Variants in APBA2 observed in about 807,000 individuals in gnomAD.
APBA2 encodes the protein amyloid beta precursor protein binding family A member 2, also known as amyloid-beta A4 precursor protein-binding family A member 2.
In APBA2, 30 loss-of-function variants were observed where a neutral mutation model predicts 75.0. That is an observed-to-expected ratio of 0.40 (90% CI 0.30 to 0.54). The LOEUF is 0.54. APBA2 is among the 20% of genes least tolerant of loss of function. APBA2 has a pLI of 0.49. For missense variants in APBA2, 801 were observed against 1,016.1 expected (o/e 0.79, Z 2.88); for synonymous variants, 444 against 409.6 (o/e 1.08, Z -1.01).
At chr15:29,079,522 A>G (rs1172392921) in intron 6 of APBA2, among the ~76,000 whole-genome samples, 1 of 152,120 alleles carries the variant, frequency 6.6e-6, no homozygotes, top group Non-Finnish European at 1.5e-5. Context: ...AGCCTCTCAG[A>G]TGTTAGTGTT....
In APBA2 at chr15:29,101,606, T is replaced by C. The variant is rs763650417; in HGVS notation, c.1346T>C (p.Met449Thr). ...CTGTCTCCCTCCCGACAGGAAACCATGATGGACCACGCCTTGCGTACCATC... is the reference window on the plus strand; with the variant it reads ...CTGTCTCCCTCCCGACAGGAAACCACGATGGACCACGCCTTGCGTACCATC... ...KVLNADTQET[M>T]MDHALRTISY... The change falls in exon 10 of 15, where the codon ATG (methionine) becomes ACG (threonine). Residue 449 changes from methionine to threonine, a missense_variant. Physicochemically the swap from Met to Thr is moderately conservative, Grantham distance 81. This residue lies in a region of APBA2 where 367 missense variants were observed against 544.5 expected (regional missense o/e 0.67). Transcript: ENST00000683413. 1.2e-6 allele frequency: 2 copies of C among 1,613,338 alleles called. No individual in the cohort carries two copies. The highest frequency in any genetic ancestry group is 1.7e-5 in the Admixed American group (1 of 60,000).
intron 6 of APBA2, among the ~76,000 whole-genome samples, chr15:29,085,353 G>A (rs1475649901): frequency 1.3e-5 from 2 of 151,810 alleles, no homozygotes; most frequent in Admixed American, 6.6e-5. Flanking sequence ...GTGAAACCCC[G>A]TCTCTACTAA....
chr15:29,096,886 T>C (rs2043875262), intron 8 of APBA2, among the ~76,000 whole-genome samples: 1 of 152,274 alleles, frequency 6.6e-6, no homozygotes, highest in East Asian at 1.9e-4. Flanking sequence ...CGTGCAGTGG[T>C]AATTAGGATT....
At chr15:28,908,986 CTTT>C (rs558056022) in intron 1 of APBA2, among the ~76,000 whole-genome samples, 3 of 131,862 alleles carry the variant, frequency 2.3e-5, no homozygotes, top group Non-Finnish European at 1.6e-5. Flanking sequence ...ATTTTACTTC[CTTT>C]TTTTTTTTTT....
intron 1 of APBA2, among the ~76,000 whole-genome samples, chr15:28,917,433 C>G (rs1357257050): frequency 6.6e-6 from 1 of 152,084 alleles, no homozygotes; most frequent in Non-Finnish European, 1.5e-5. Flanking sequence ...ACCCATTGGC[C>G]GTTTAATGGT....
chr15:29,068,195 C>T lies in APBA2; in HGVS notation c.952-6726C>T, dbSNP rs78905707. 7.0e-3 allele frequency among the ~76,000 whole-genome samples: 1,068 copies of T among 152,308 alleles called. 13 individuals carry two copies. The highest frequency in any genetic ancestry group is 0.025 in the African/African-American group (1,022 of 41,564). ...CAAGCTTGAGCCTCTGATAAAGTCA[C>T]GCGATTGAATTTTAGCCCCAGTAGG... On this transcript the variant is annotated intron_variant, in intron 4 of 14. Transcript: ENST00000683413.
At chr15:29,041,414 T>C (rs1310874791) in intron 3 of APBA2, among the ~76,000 whole-genome samples, 2 of 151,234 alleles carry the variant, frequency 1.3e-5, no homozygotes. Flanking sequence ...TCCCCAGAGG[T>C]TGAGGCTGCA....
At chr15:29,061,911 GC>G (rs1008562333) in intron 4 of APBA2, among the ~76,000 whole-genome samples, 1 of 152,132 alleles carries the variant, frequency 6.6e-6, no homozygotes, top group Admixed American at 6.6e-5. Context: ...GCACCCAGGC[GC>G]CCCCCCTCCA....
chr15:29,095,567 G>A (rs2043812666), intron 8 of APBA2, among the ~76,000 whole-genome samples: 1 of 152,238 alleles, frequency 6.6e-6, no homozygotes, highest in Non-Finnish European at 1.5e-5. Flanking sequence ...GGCAAACCCC[G>A]GGGTCCTTGG....
intron 3 of APBA2, among the ~76,000 whole-genome samples, chr15:29,026,343 A>G (rs1468145123): frequency 3.3e-5 from 5 of 152,154 alleles, no homozygotes; most frequent in Non-Finnish European, 7.4e-5. Flanking sequence ...CATTTACCCT[A>G]CAGCTGGTGA....
In APBA2 at chr15:29,113,865, T is replaced by C. The variant is rs745531464; in HGVS notation, c.2038-11T>C. 3 of 1,609,450 alleles carry C rather than the reference T, an allele frequency of 1.9e-6. No homozygotes were observed. The highest frequency in any genetic ancestry group is 1.7e-6 in the Non-Finnish European group (2 of 1,179,576). On this transcript the variant is annotated splice_polypyrimidine_tract_variant and intron_variant, in intron 13 of 14. Transcript: ENST00000683413. ...GGGAACACGTGTGCTGACCTGGCCA[T>C]GTCTGCTTAGATCTGCAGCCTCATG...
intron 2 of APBA2, among the ~76,000 whole-genome samples, chr15:28,973,941 A>G (rs1179612313): frequency 6.6e-6 from 1 of 152,228 alleles, no homozygotes; most frequent in Non-Finnish European, 1.5e-5. Flanking sequence ...CCATATAGTG[A>G]AATACACACG....
intron 4 of APBA2, among the ~76,000 whole-genome samples, chr15:29,066,861 C>T (rs1273784093): frequency 1.3e-5 from 2 of 152,132 alleles, no homozygotes; most frequent in Non-Finnish European, 2.9e-5. Flanking sequence ...GCTATTCTTG[C>T]ACTGCTTTAA....
intron 2 of APBA2, among the ~76,000 whole-genome samples, chr15:28,953,441 C>T (rs1458899971): frequency 6.6e-6 from 1 of 151,316 alleles, no homozygotes. Context: ...TGGCCTATTT[C>T]TGTGCTTTGT....
At chr15:29,108,857 A>G (rs111931343) in intron 13 of APBA2, among the ~76,000 whole-genome samples, 3 of 152,220 alleles carry the variant, frequency 2.0e-5, no homozygotes, top group Admixed American at 6.5e-5. Flanking sequence ...GGCAATGGGA[A>G]GGCAGGAGTG....
chr15:29,113,804 C>T, intron 13 of APBA2, 72 bp from the exon 14 acceptor site: 2 of 1,586,100 alleles, frequency 1.3e-6, no homozygotes, highest in South Asian at 1.1e-5. Context: ...CATGTCCCAT[C>T]TTTGGGGACG....
At chr15:28,919,077 G>T (rs1375447710) in intron 1 of APBA2, among the ~76,000 whole-genome samples, 7 of 152,122 alleles carry the variant, frequency 4.6e-5, no homozygotes, top group African/African-American at 1.7e-4. Flanking sequence ...AGCAAAGATG[G>T]TCTCAATCTC....
intron 2 of APBA2, among the ~76,000 whole-genome samples, chr15:28,980,485 G>T (rs1044722695): frequency 6.6e-6 from 1 of 152,000 alleles, no homozygotes; most frequent in Non-Finnish European, 1.5e-5. Context: ...ATTTACAATC[G>T]CCACACACAA....
In APBA2 at chr15:29,046,684, A is replaced by G. The variant is rs2041350181; in HGVS notation, c.-40-7161A>G. Among the ~76,000 whole-genome samples the G allele has an allele frequency of 6.6e-6, 1 of 152,006 alleles. No individual in the cohort carries two copies. The highest frequency in any genetic ancestry group is 2.4e-5 in the African/African-American group (1 of 41,392). On this transcript the variant is annotated intron_variant, in intron 3 of 14. Coordinates refer to ENST00000683413, the MANE Select transcript of APBA2 (RefSeq NM_001353788.2). The surrounding 1 kb of genome is among the most constrained non-coding windows in gnomAD (Gnocchi z 5.0). ...GGAATCTTGGGCCATGAACCTGCACACTCTCCAGGTGGGCCTTGTGCCCAC... is the reference window on the plus strand; with the variant it reads ...GGAATCTTGGGCCATGAACCTGCACGCTCTCCAGGTGGGCCTTGTGCCCAC...
Sources: allele counts gnomAD v4.1 joint callset (sites outside exome capture counted in the v4.1 genomes callset), GRCh38; gene constraint gnomAD v4.1.1; regional missense constraint gnomAD v4.1.1; non-coding constraint Gnocchi (gnomAD v3.1); transcripts MANE v1.5; gene names NCBI Gene and HGNC (gene_info 2026-07-23, HGNC 2026-07-21).